The following PLCH1 variants were observed in gnomAD, a reference collection of about 807,000 sequenced individuals.
PLCH1 encodes the protein phospholipase C eta 1.
In PLCH1, 60 loss-of-function variants were observed where a neutral mutation model predicts 126.7. The observed-to-expected ratio is 0.47, with a 90% CI of 0.38 to 0.59. The LOEUF is 0.59. PLCH1 is among the 20% of genes least tolerant of loss of function. The probability of loss-of-function intolerance (pLI) is 0.00; values close to 1 mark genes in which losing one functional copy is unlikely to be tolerated. For missense variants in PLCH1, 1,723 were observed against 2,040.0 expected (o/e 0.84, Z 2.99); for synonymous variants, 719 against 734.9 (o/e 0.98, Z 0.35).
intron 2 of PLCH1, among the ~76,000 whole-genome samples, chr3:155,650,975 T>C (rs1258538031): frequency 1.3e-5 from 2 of 151,830 alleles, no homozygotes; most frequent in African/African-American, 4.8e-5. Context: ...AAGGCGGAGG[T>C]TGCAGTGAGT....
chr3:155,558,135 C>T (rs934606189), intron 8 of PLCH1, among the ~76,000 whole-genome samples: 1 of 152,176 alleles, frequency 6.6e-6, no homozygotes, highest in Admixed American at 6.5e-5. Flanking sequence ...GAAAACATAA[C>T]ATTACCAAAA....
At chr3:155,693,793 G>A (rs978725777) in intron 2 of PLCH1, among the ~76,000 whole-genome samples, 3 of 152,076 alleles carry the variant, frequency 2.0e-5, no homozygotes, top group African/African-American at 7.2e-5. Context: ...AACCAGGCAT[G>A]GTGGTGTGCA....
intron 6 of PLCH1, among the ~76,000 whole-genome samples, chr3:155,577,348 T>C (rs963366121): frequency 2.6e-5 from 4 of 152,194 alleles, no homozygotes; most frequent in South Asian, 4.1e-4. Flanking sequence ...TATGATTTTG[T>C]AAAGGTTTCA....
intron 2 of PLCH1, among the ~76,000 whole-genome samples, chr3:155,633,359 AC>A (rs1738276988): frequency 6.6e-6 from 1 of 151,080 alleles, no homozygotes; most frequent in Non-Finnish European, 1.5e-5. Flanking sequence ...AAAAAAAAAA[AC>A]CTACTCTTTC....
rs150259353 is a variant in PLCH1 at position 155,586,368 on chromosome 3, T to C, written c.471-174A>G. ...CTACTAATAATGATGACAATAACAA[T>C]GACAACAACAAACCAGGAATGGAAG... is the stretch of plus-strand genomic sequence containing the variant. On this transcript the variant is annotated intron_variant, in intron 4 of 22. Transcript: ENST00000460012. 3.0e-3 allele frequency among the ~76,000 whole-genome samples: 463 copies of C among 152,158 alleles called. 2 individuals are homozygous for C. Among genetic ancestry groups the C allele is most frequent in the South Asian group, 0.02 (98 of 4,814 alleles).
chr3:155,456,247 C>A (rs1275076637), intron 21 of PLCH1, among the ~76,000 whole-genome samples: 2 of 151,324 alleles, frequency 1.3e-5, no homozygotes, highest in African/African-American at 4.9e-5. Context: ...GGTGTCCAAT[C>A]TTTTGGCTTC....
intron 21 of PLCH1, among the ~76,000 whole-genome samples, chr3:155,452,550 A>G (rs952674999): frequency 3.9e-5 from 6 of 152,316 alleles, no homozygotes; most frequent in Non-Finnish European, 7.3e-5. Context: ...AGTAGTAAAA[A>G]GAGCACTGTT....
At chr3:155,468,579 A>G (rs114287567) in intron 21 of PLCH1, among the ~76,000 whole-genome samples, 5,983 of 152,316 alleles carry the variant, frequency 0.039, 178 homozygotes, top group South Asian at 0.065. Flanking sequence ...ACCAAAAAAG[A>G]GCAGGAGTCA....
chr3:155,570,842 T>C (rs1046494194), intron 6 of PLCH1, among the ~76,000 whole-genome samples: 2 of 152,200 alleles, frequency 1.3e-5, no homozygotes, highest in Admixed American at 1.3e-4. Flanking sequence ...GATAGGTGTT[T>C]TTAATTTCAA....
At chr3:155,581,461 T>C (rs1418007377) in intron 6 of PLCH1, among the ~76,000 whole-genome samples, 1 of 152,204 alleles carries the variant, frequency 6.6e-6, no homozygotes, top group Non-Finnish European at 1.5e-5. Flanking sequence ...ATATATTATT[T>C]GGCAATAAGA....
At chr3:155,531,105 A>G (rs1360178767) in intron 10 of PLCH1, among the ~76,000 whole-genome samples, 3 of 152,066 alleles carry the variant, frequency 2.0e-5, no homozygotes, top group Non-Finnish European at 4.4e-5. Flanking sequence ...AGGCTTTGTT[A>G]TTCCATTTAC....
At chr3:155,454,981 G>A (rs1336429625) in intron 21 of PLCH1, among the ~76,000 whole-genome samples, 6 of 152,164 alleles carry the variant, frequency 3.9e-5, no homozygotes, top group Non-Finnish European at 5.9e-5. Flanking sequence ...TTGGCAAAGA[G>A]GTGAAGCTTC....
chr3:155,599,473 T>A (rs545889143), intron 2 of PLCH1, among the ~76,000 whole-genome samples: 20 of 152,154 alleles, frequency 1.3e-4, no homozygotes, highest in Admixed American at 5.9e-4. Flanking sequence ...TATGATTCCA[T>A]GAGCTAGATA....
intron 21 of PLCH1, among the ~76,000 whole-genome samples, chr3:155,467,204 A>G (rs150114329): frequency 1.6e-3 from 247 of 151,888 alleles, no homozygotes; most frequent in African/African-American, 5.6e-3. Context: ...TAATAATTAA[A>G]CTCCCAAAAG....
In PLCH1 at chr3:155,482,321, G is replaced by A. The variant is rs750048635; in HGVS notation, c.3705C>T (p.Cys1235=). Residue 1235 remains cysteine, a synonymous_variant, in exon 23 of 23, where the codon TGC becomes TGT. Coordinates refer to ENST00000460012, the MANE Select transcript of PLCH1 (RefSeq NM_014996.4). ...GGAAGGAAGACTTGGATTTTCCCTT[G>A]CAAAAACCATGCTTGATGGGCATTT... ...GLKMPIKHGF[C]KGKSKSSFLC... is the part of the protein sequence containing the mutation. 2 of 1,614,142 alleles carry A rather than the reference G, an allele frequency of 1.2e-6. No individual in the cohort carries two copies. The highest frequency in any genetic ancestry group is 2.2e-5 in the South Asian group (2 of 91,078).
chr3:155,664,839 T>A (rs566719006), intron 2 of PLCH1, among the ~76,000 whole-genome samples: 1 of 152,300 alleles, frequency 6.6e-6, no homozygotes, highest in South Asian at 2.1e-4. Flanking sequence ...ATAAGAAAAC[T>A]AAGGCTCAAA....
At chr3:155,475,274 G>A (rs951168843), downstream of PLCH1, among the ~76,000 whole-genome samples, 5 of 151,740 alleles carry the variant, frequency 3.3e-5, no homozygotes, top group Admixed American at 6.6e-5. Flanking sequence ...TCTAGAAAAC[G>A]ATAATGGAAA....
intron 2 of PLCH1, among the ~76,000 whole-genome samples, chr3:155,631,022 G>A (rs1338556022): frequency 6.6e-6 from 1 of 151,664 alleles, no homozygotes; most frequent in Non-Finnish European, 1.5e-5. Context: ...AATTTTTTAG[G>A]GAAAAATTTA....
chr3:155,580,272 C>A (rs535744608), intron 6 of PLCH1, among the ~76,000 whole-genome samples: 1 of 152,180 alleles, frequency 6.6e-6, no homozygotes, highest in East Asian at 1.9e-4. Flanking sequence ...GTAAATAATT[C>A]AGAAAAAACA....
Sources: allele counts gnomAD v4.1 joint callset (sites outside exome capture counted in the v4.1 genomes callset), GRCh38; gene constraint gnomAD v4.1.1; transcripts MANE v1.5; gene names NCBI Gene and HGNC (gene_info 2026-07-23, HGNC 2026-07-21).